SEMA3D: variants seen among roughly 807,000 people sequenced by gnomAD.
SEMA3D encodes semaphorin-3D.
In SEMA3D, 84 loss-of-function variants were observed where a neutral mutation model predicts 100.1. The observed-to-expected ratio is 0.84, with a 90% confidence interval of 0.70 to 1.01. SEMA3D has a LOEUF of 1.01. SEMA3D is among the 50% of genes least tolerant of loss of function. SEMA3D has a pLI of 0.00. For synonymous variants in SEMA3D, 312 were observed against 320.7 expected, an observed-to-expected ratio of 0.97 and a Z score of 0.29; for missense variants, 875 against 934.1, an observed-to-expected ratio of 0.94 and a Z score of 0.82.
chr7:85,170,987 G>T (rs185682285), intron 1 of SEMA3D, among the ~76,000 whole-genome samples: 1 of 152,036 alleles, frequency 6.6e-6, no homozygotes, highest in East Asian at 1.9e-4. Context: ...ATGCAAAATT[G>T]TCATTTATCT....
At chr7:85,058,096 G>A (rs1460247055) in intron 8 of SEMA3D, among the ~76,000 whole-genome samples, 1 of 152,100 alleles carries the variant, frequency 6.6e-6, no homozygotes, top group Non-Finnish European at 1.5e-5. Context: ...ATACATTCAT[G>A]AACTTTCTTC....
the SEMA3D span, among the ~76,000 whole-genome samples, chr7:85,246,651 T>C: frequency 6.6e-6 from 1 of 151,932 alleles, no homozygotes; most frequent in Non-Finnish European, 1.5e-5. Flanking sequence ...GGTGATGATA[T>C]GTAATAATGG....
At chr7:85,195,907 G>A in the SEMA3D span, among the ~76,000 whole-genome samples, 6 of 152,086 alleles carry the variant, frequency 3.9e-5, no homozygotes, top group East Asian at 1.9e-4. Flanking sequence ...CAATTCCTTC[G>A]TCTTCCTTTC....
the SEMA3D span, among the ~76,000 whole-genome samples, chr7:85,210,513 T>C: frequency 6.6e-6 from 1 of 152,084 alleles, no homozygotes; most frequent in African/African-American, 2.4e-5. Flanking sequence ...GGATTCTATG[T>C]AACTAGAGTC....
chr7:85,028,929 G>A (rs1251121405), intron 12 of SEMA3D: 1 of 269,494 alleles, frequency 3.7e-6, no homozygotes, highest in African/African-American at 2.3e-5. Context: ...CCCTCATGAA[G>A]CTGTTGCTTA....
At chr7:85,248,398 T>C in the SEMA3D span, among the ~76,000 whole-genome samples, 1 of 152,184 alleles carries the variant, frequency 6.6e-6, no homozygotes, top group Non-Finnish European at 1.5e-5. Flanking sequence ...GCATGATCAC[T>C]TTGGAATATA....
At chr7:85,232,443 C>T in the SEMA3D span, among the ~76,000 whole-genome samples, 8 of 152,052 alleles carry the variant, frequency 5.3e-5, no homozygotes, top group Non-Finnish European at 8.8e-5. Flanking sequence ...GAAAGATTTC[C>T]GTAAAAAAGG....
chr7:85,223,919 A>G, the SEMA3D span, among the ~76,000 whole-genome samples: 1 of 152,114 alleles, frequency 6.6e-6, no homozygotes. Context: ...AGTCTCTAAG[A>G]AATAATGCAA....
chr7:85,244,836 G>C, the SEMA3D span, among the ~76,000 whole-genome samples: 1 of 150,220 alleles, frequency 6.7e-6, no homozygotes, highest in African/African-American at 2.5e-5. Flanking sequence ...TCAGCCTCCT[G>C]AGTAGCTGGG....
At chr7:85,202,522 C>A in the SEMA3D span, among the ~76,000 whole-genome samples, 1 of 151,842 alleles carries the variant, frequency 6.6e-6, no homozygotes, top group East Asian at 1.9e-4. Flanking sequence ...GCTTCTGCAC[C>A]GCAAAAGAAA....
the SEMA3D span, among the ~76,000 whole-genome samples, chr7:85,204,107 GA>G: frequency 0.039 from 5,852 of 148,848 alleles, 155 homozygotes; most frequent in South Asian, 0.11. Context: ...TAATTTATAA[GA>G]AAAAAAAACA....
At chr7:85,054,144 T>C (rs956071760) in intron 9 of SEMA3D, among the ~76,000 whole-genome samples, 2 of 152,066 alleles carry the variant, frequency 1.3e-5, no homozygotes, top group Non-Finnish European at 2.9e-5. Context: ...TATACTAGGG[T>C]AAGACATTAC....
intron 5 of SEMA3D, among the ~76,000 whole-genome samples, chr7:85,078,288 A>G (rs954888746): frequency 2.0e-5 from 3 of 151,608 alleles, no homozygotes; most frequent in Non-Finnish European, 2.9e-5. Flanking sequence ...AAAAAAAGGA[A>G]GAAAAAAAGA....
intron 12 of SEMA3D, among the ~76,000 whole-genome samples, chr7:85,033,154 C>T (rs1188871181): frequency 6.6e-6 from 1 of 152,102 alleles, no homozygotes; most frequent in Non-Finnish European, 1.5e-5. Flanking sequence ...GGTTTAGATG[C>T]AGGCTATTTG....
At chr7:85,145,570 T>C (rs1790177289) in intron 2 of SEMA3D, among the ~76,000 whole-genome samples, 1 of 151,958 alleles carries the variant, frequency 6.6e-6, no homozygotes, top group Non-Finnish European at 1.5e-5. Flanking sequence ...CAGGAAATTA[T>C]CAGGAATCAC....
intron 15 of SEMA3D, among the ~76,000 whole-genome samples, chr7:85,017,335 C>T (rs192466218): frequency 6.6e-6 from 1 of 151,828 alleles, no homozygotes; most frequent in East Asian, 2.0e-4. Context: ...CTTCCTTTGA[C>T]ACTCAGCTAT....
chr7:85,137,387 A>G (rs533673889), intron 2 of SEMA3D, among the ~76,000 whole-genome samples: 95 of 152,110 alleles, frequency 6.2e-4, no homozygotes, highest in African/African-American at 2.1e-3. Context: ...GTGTGTGTGT[A>G]TATATATAAA....
chr7:85,088,146 T>C (rs1250287411), intron 4 of SEMA3D, among the ~76,000 whole-genome samples: 1 of 152,196 alleles, frequency 6.6e-6, no homozygotes, highest in Admixed American at 6.5e-5. Context: ...TATTGCAGTA[T>C]CCCTAACAAT....
At chr7:85,166,345 G>A (rs917494646) in intron 1 of SEMA3D, among the ~76,000 whole-genome samples, 4 of 151,916 alleles carry the variant, frequency 2.6e-5, no homozygotes, top group African/African-American at 9.7e-5. Flanking sequence ...ATATGAGTTA[G>A]AAAACTAATA....
Sources: allele counts gnomAD v4.1 joint callset (sites outside exome capture counted in the v4.1 genomes callset), GRCh38; gene constraint gnomAD v4.1.1; transcripts MANE v1.5; gene names NCBI Gene and HGNC (gene_info 2026-07-23, HGNC 2026-07-21).